The following SHISA6 variants were observed in gnomAD, a reference collection of about 807,000 sequenced individuals.
The protein encoded by SHISA6 is shisa family member 6.
In SHISA6, 22 loss-of-function variants were observed where a neutral mutation model predicts 47.9. The ratio of observed to expected loss-of-function variants is 0.46; its 90% CI spans 0.33 to 0.66. SHISA6 has a LOEUF of 0.66. Among genes scored for constraint, SHISA6 ranks in the 30% least tolerant of loss-of-function variants. The probability of loss-of-function intolerance (pLI) is 0.02; values close to 1 mark genes in which losing one functional copy is unlikely to be tolerated. For missense variants in SHISA6, 680 were observed against 764.6 expected, an observed-to-expected ratio of 0.89 and a Z score of 1.30; for synonymous variants, 388 against 337.8, an observed-to-expected ratio of 1.15 and a Z score of -1.63.
rs1555538537 is a variant in SHISA6 at position 11,481,497 on chromosome 17, G to GTT, written c.896-70388_896-70387dup. 7.8e-5 allele frequency among the ~76,000 whole-genome samples: 6 copies of GTT among 77,414 alleles called. 1 individual carries two copies. The South Asian group carries it at 1.5e-3, about 19-fold the overall frequency. The allele number at this position is 77,414 out of a possible 152,430, so 50.8% of individuals were successfully genotyped here. A position where few individuals can be genotyped will look rare whatever the true frequency, so the allele number is the denominator to read the frequency against. On this transcript the variant is annotated intron_variant, in intron 3 of 5. Transcript: ENST00000441885. Reference sequence around the variant, plus strand: ...ATAATAAAATGACAAACTGAAGTTTGTTTTTTTTTTTTGGAGATGGAGTCT... The same window carrying GTT: ...ATAATAAAATGACAAACTGAAGTTTGTTTTTTTTTTTTTTGGAGATGGAGTCT...
intron 3 of SHISA6, among the ~76,000 whole-genome samples, chr17:11,441,987 G>A (rs1915107300): frequency 6.6e-6 from 1 of 152,190 alleles, no homozygotes; most frequent in African/African-American, 2.4e-5. Context: ...AGGTAGCCAT[G>A]GGCAAAGCCA....
chr17:11,295,608 G>C (rs887089021), intron 2 of SHISA6, among the ~76,000 whole-genome samples: 1 of 152,188 alleles, frequency 6.6e-6, no homozygotes, highest in African/African-American at 2.4e-5. Context: ...AAGGATGACA[G>C]GGACAGTCCT....
chr17:11,402,358 T>G (rs76437421), intron 3 of SHISA6, among the ~76,000 whole-genome samples: 2,810 of 152,302 alleles, frequency 0.018, 91 homozygotes, highest in African/African-American at 0.053. Flanking sequence ...TGTAAAAAAT[T>G]AGGTTTCTTA....
chr17:11,495,476 G>A (rs570056634), intron 3 of SHISA6, among the ~76,000 whole-genome samples: 96 of 152,268 alleles, frequency 6.3e-4, no homozygotes, highest in Non-Finnish European at 1.1e-3. Context: ...ATGCAGAGGG[G>A]CATGGCTGGC....
At position 11,558,199 on chromosome 17, in the gene SHISA6, G is replaced by A. The variant is rs1305539482; in HGVS notation, c.1551G>A (p.Lys517=). The A allele has an allele frequency of 6.5e-7, 1 of 1,544,012 alleles. No individual in the cohort carries two copies. The highest frequency in any genetic ancestry group is 1.2e-5 in the South Asian group (1 of 84,066). The change falls in exon 6 of 6, where the codon AAG becomes AAA. Residue 517 remains lysine (K), a synonymous_variant. Coordinates refer to ENST00000441885, the MANE Select transcript of SHISA6 (RefSeq NM_207386.4). ...TGGGCCAGAGCCAGACGGCAGCCAA[G>A]CGTCATGCCTTTGCCTCACGCAGAC... The part of the protein sequence containing the change: ...ATLGQSQTAA[K]RHAFASRRHN...
intron 3 of SHISA6, among the ~76,000 whole-genome samples, chr17:11,423,945 A>G (rs1297036598): frequency 6.6e-6 from 1 of 152,232 alleles, no homozygotes; most frequent in East Asian, 1.9e-4. Context: ...GGAATGGATT[A>G]AACACTCCTG....
At chr17:11,343,387 A>T (rs942778699) in intron 2 of SHISA6, among the ~76,000 whole-genome samples, 3 of 152,180 alleles carry the variant, frequency 2.0e-5, no homozygotes, top group African/African-American at 4.8e-5. Context: ...AGCCTGAAAC[A>T]AAGGCTTGTG....
At chr17:11,406,525 G>T (rs1304957715) in intron 3 of SHISA6, among the ~76,000 whole-genome samples, 1 of 152,104 alleles carries the variant, frequency 6.6e-6, no homozygotes, top group African/African-American at 2.4e-5. Context: ...ACTCCTCTTT[G>T]CTCCGTGGAA....
chr17:11,391,644 TG>T (rs759112705), intron 3 of SHISA6, among the ~76,000 whole-genome samples: 1 of 152,148 alleles, frequency 6.6e-6, no homozygotes, highest in Non-Finnish European at 1.5e-5. Context: ...GGGAGTTGAG[TG>T]GGTTTATGGA....
At chr17:11,504,107 TTGGAAGGGTCCA>T (rs1424717091) in intron 3 of SHISA6, among the ~76,000 whole-genome samples, 3 of 152,186 alleles carry the variant, frequency 2.0e-5, no homozygotes, top group African/African-American at 7.2e-5. Context: ...CTTGATGACC[TTGGAAGGGTCCA>T]TGAGTCCTTT....
intron 2 of SHISA6, among the ~76,000 whole-genome samples, chr17:11,347,836 T>A (rs205048): frequency 0.99 from 151,005 of 152,234 alleles, 74,903 homozygotes; most frequent in Non-Finnish European, 1. Context: ...ACAGCTGAGG[T>A]CACTCAGAGC....
chr17:11,481,364 GTGTATATATA>G (rs1399254094), intron 3 of SHISA6, among the ~76,000 whole-genome samples: 19 of 134,424 alleles, frequency 1.4e-4, no homozygotes, highest in Admixed American at 2.2e-4. Context: ...GTGTGTGTGT[GTGTATATATA>G]TATATATATA....
At chr17:11,309,314 A>G (rs1332607292) in intron 2 of SHISA6, among the ~76,000 whole-genome samples, 1 of 152,216 alleles carries the variant, frequency 6.6e-6, no homozygotes, top group Non-Finnish European at 1.5e-5. Context: ...ACTGGCCTTC[A>G]TCATTTAGGG....
At chr17:11,557,656 C>G in intron 5 of SHISA6, 98 bp from the exon 6 acceptor site, 1 of 1,193,936 alleles carries the variant, frequency 8.4e-7, no homozygotes, top group Non-Finnish European at 1.1e-6. Context: ...TTAAGGTTGA[C>G]AGGTCTGTGA....
chr17:11,254,603 C>T (rs564380236), intron 1 of SHISA6, among the ~76,000 whole-genome samples: 4 of 152,306 alleles, frequency 2.6e-5, no homozygotes, highest in South Asian at 2.1e-4. Flanking sequence ...GCCATCCATG[C>T]GTCTAGGGCA....
chr17:11,350,570 T>C (rs1300944209), intron 2 of SHISA6, among the ~76,000 whole-genome samples: 1 of 152,098 alleles, frequency 6.6e-6, no homozygotes, highest in Non-Finnish European at 1.5e-5. Flanking sequence ...TGATTCCTTC[T>C]CTTTACATCT....
intron 2 of SHISA6, among the ~76,000 whole-genome samples, chr17:11,353,564 G>A (rs937179295): frequency 7.9e-5 from 12 of 151,876 alleles, no homozygotes; most frequent in African/African-American, 2.9e-4. Context: ...TAAGGCAAAT[G>A]CTCTGATTGG....
chr17:11,496,580 A>T (rs2071410713), intron 3 of SHISA6, among the ~76,000 whole-genome samples: 1 of 152,100 alleles, frequency 6.6e-6, no homozygotes, highest in Admixed American at 6.6e-5. Context: ...TCTACTAAAA[A>T]TACAAAAAAT....
chr17:11,242,078 C>G lies in SHISA6; in HGVS notation c.638+18C>G. ...ATCCACAGGTGAGAGCGCCGCGTGCCGCGCGCCCCGGTCTCCCCGCGGCCT... is the reference window on the plus strand; with the variant it reads ...ATCCACAGGTGAGAGCGCCGCGTGCGGCGCGCCCCGGTCTCCCCGCGGCCT... On this transcript the variant is annotated intron_variant, in intron 1 of 5. Transcript: ENST00000441885. 6.5e-7 allele frequency: 1 copy of G among 1,549,030 alleles called. No homozygotes were observed.
Sources: gnomAD v4.1 joint callset for allele counts (sites outside exome capture counted in the v4.1 genomes callset) on GRCh38, gnomAD v4.1.1 for gene constraint, MANE v1.5 for transcripts, NCBI Gene and HGNC (gene_info 2026-07-23, HGNC 2026-07-21) for gene names.